GPR158: variants seen among roughly 807,000 people sequenced by gnomAD.
GPR158 encodes the protein G protein-coupled receptor 158.
Under a neutral mutation model 78.2 loss-of-function variants are expected in GPR158, and 30 were observed. The observed-to-expected ratio is 0.38, with a 90% CI of 0.29 to 0.52. GPR158 has a LOEUF of 0.52. GPR158 is among the 20% of genes least tolerant of loss of function. GPR158 has a pLI of 0.83. For synonymous variants in GPR158, 581 were observed against 591.1 expected, an observed-to-expected ratio of 0.98 and a Z score of 0.25; for missense variants, 1,463 against 1,523.5, an observed-to-expected ratio of 0.96 and a Z score of 0.66.
intron 8 of GPR158, among the ~76,000 whole-genome samples, chr10:25,590,529 C>A (rs1289209456): frequency 1.3e-5 from 2 of 152,136 alleles, no homozygotes; most frequent in East Asian, 3.8e-4. Context: ...GCTCAAACAG[C>A]CTTGACATAT....
chr10:25,421,637 C>T (rs1834753245), intron 4 of GPR158, among the ~76,000 whole-genome samples: 1 of 152,040 alleles, frequency 6.6e-6, no homozygotes, highest in Non-Finnish European at 1.5e-5. Context: ...CTAAGGTCTA[C>T]AAAATTAATC....
rs7895849 is a variant in GPR158, at chr10:25,599,310, G to A, written c.*36G>A. On this transcript the variant is annotated 3_prime_UTR_variant, in exon 11 of 11. Coordinates refer to ENST00000376351, the MANE Select transcript of GPR158 (RefSeq NM_020752.3). ...AAGAAGAGGAAAAGGAGGGAACCCC[G>A]GATTGGATATGAGACAGAAGATATA... The A allele has an allele frequency of 4.6e-5, 66 of 1,440,996 alleles. No individual in the cohort carries two copies. In the East Asian group the frequency reaches 7.1e-4, roughly 15 times the overall value. The allele number at this position is 1,440,996 out of a possible 1,614,324, so 89.3% of individuals were successfully genotyped here. A position where few individuals can be genotyped will look rare whatever the true frequency, so the allele number is the denominator to read the frequency against.
At chr10:25,494,478 C>T (rs1330687163) in intron 5 of GPR158, among the ~76,000 whole-genome samples, 1 of 152,078 alleles carries the variant, frequency 6.6e-6, no homozygotes, top group Non-Finnish European at 1.5e-5. Flanking sequence ...TTGTTTGGTA[C>T]TGCTTTTTTC....
chr10:25,432,321 A>T (rs1834922035), intron 4 of GPR158, among the ~76,000 whole-genome samples: 2 of 152,174 alleles, frequency 1.3e-5, no homozygotes, highest in Admixed American at 6.5e-5. Flanking sequence ...AGGTGTTAGG[A>T]ACTACCTACT....
chr10:25,527,056 T>C (rs912950260), intron 5 of GPR158, among the ~76,000 whole-genome samples: 1 of 140,310 alleles, frequency 7.1e-6, no homozygotes, highest in Non-Finnish European at 1.5e-5. Flanking sequence ...GGACATGTTA[T>C]CATGATGATA....
intron 2 of GPR158, among the ~76,000 whole-genome samples, chr10:25,284,512 T>G: frequency 6.6e-6 from 1 of 151,922 alleles, no homozygotes; most frequent in East Asian, 1.9e-4. Flanking sequence ...ATCTATGTTT[T>G]TATGTTTAGG....
intron 4 of GPR158, among the ~76,000 whole-genome samples, chr10:25,463,682 C>G (rs1045217088): frequency 2.6e-5 from 4 of 151,766 alleles, no homozygotes; most frequent in Admixed American, 2.0e-4. Flanking sequence ...TGCTCATTGT[C>G]TCTCTCATCC....
intron 5 of GPR158, among the ~76,000 whole-genome samples, chr10:25,485,735 T>G (rs939255844): frequency 6.6e-6 from 1 of 152,190 alleles, no homozygotes; most frequent in Non-Finnish European, 1.5e-5. Context: ...TGATTAGATA[T>G]GTATAGTCTG....
At chr10:25,192,863 T>G (rs570489893) in intron 1 of GPR158, among the ~76,000 whole-genome samples, 1 of 152,284 alleles carries the variant, frequency 6.6e-6, no homozygotes, top group African/African-American at 2.4e-5. Context: ...GGTACAGCAT[T>G]CAATCAATCA....
At chr10:25,253,180 C>A (rs1037781399) in intron 2 of GPR158, among the ~76,000 whole-genome samples, 3 of 143,404 alleles carry the variant, frequency 2.1e-5, no homozygotes, top group African/African-American at 7.6e-5. Context: ...GCTCGCGCAC[C>A]GTGCGCGCAC....
chr10:25,304,544 T>C (rs1405705691), intron 2 of GPR158, among the ~76,000 whole-genome samples: 2 of 152,084 alleles, frequency 1.3e-5, no homozygotes, highest in Admixed American at 6.6e-5. Flanking sequence ...ACTTACTTCA[T>C]AGAGTTGCTG....
intron 2 of GPR158, among the ~76,000 whole-genome samples, chr10:25,236,959 A>C (rs1853534664): frequency 6.6e-6 from 1 of 152,214 alleles, no homozygotes. Context: ...GACATCCTAG[A>C]AAATATGTAT....
At chr10:25,404,766 C>G (rs2130539861) in intron 3 of GPR158, among the ~76,000 whole-genome samples, 1 of 152,164 alleles carries the variant, frequency 6.6e-6, no homozygotes, top group East Asian at 1.9e-4. Context: ...TTGTGGAACT[C>G]TAGCAGTAAG....
intron 1 of GPR158, among the ~76,000 whole-genome samples, chr10:25,205,858 A>G (rs1853019930): frequency 6.6e-6 from 1 of 151,588 alleles, no homozygotes; most frequent in Non-Finnish European, 1.5e-5. Context: ...CTGATTCTTT[A>G]GATGATTTTA....
At chr10:25,578,172 A>T (rs1406113924) in intron 7 of GPR158, among the ~76,000 whole-genome samples, 2 of 152,236 alleles carry the variant, frequency 1.3e-5, no homozygotes, top group African/African-American at 4.8e-5. Context: ...ACGTTTAAAT[A>T]TATTTTCTGT....
chr10:25,537,199 A>G (rs1276471978), intron 5 of GPR158, among the ~76,000 whole-genome samples: 1 of 152,186 alleles, frequency 6.6e-6, no homozygotes, highest in Non-Finnish European at 1.5e-5. Context: ...TTTCCAACCA[A>G]AACAAAGTAA....
chr10:25,176,064 A>C lies in GPR158; in HGVS notation c.644A>C (p.Asn215Thr). The change falls in exon 1 of 11, where the codon AAC (asparagine) becomes ACC (threonine). Residue 215 changes from asparagine (N) to threonine (T), a missense_variant. Transcript: ENST00000376351. The surrounding 1 kb of genome is among the most constrained non-coding windows in gnomAD (Gnocchi z 6.3). Reference sequence around the variant, plus strand: ...TCCTCCTCCGCACCCCACCTGGCCAACGCCACTCTGGAGACCGAGTGGTTC... The same window carrying C: ...TCCTCCTCCGCACCCCACCTGGCCACCGCCACTCTGGAGACCGAGTGGTTC... The part of the protein sequence containing the change: ...DLSSSAPHLA[N>T]ATLETEWFHG... 1 of 1,605,040 alleles carries C rather than the reference A, an allele frequency of 6.2e-7. No individual in the cohort carries two copies. Among genetic ancestry groups the C allele is most frequent in the Non-Finnish European group, 8.5e-7 (1 of 1,176,370 alleles).
intron 6 of GPR158, among the ~76,000 whole-genome samples, chr10:25,562,693 T>C (rs768996437): frequency 2.6e-5 from 4 of 152,232 alleles, no homozygotes; most frequent in Non-Finnish European, 2.9e-5. Flanking sequence ...TGGTCTAACA[T>C]ATGGTCTGTC....
At chr10:25,200,553 A>T (rs1435645600) in intron 1 of GPR158, among the ~76,000 whole-genome samples, 1 of 151,730 alleles carries the variant, frequency 6.6e-6, no homozygotes, top group Non-Finnish European at 1.5e-5. Flanking sequence ...TGTTGCAATT[A>T]CTCTTGTCTT....
Sources: allele counts gnomAD v4.1 joint callset (sites outside exome capture counted in the v4.1 genomes callset), GRCh38; gene constraint gnomAD v4.1.1; non-coding constraint Gnocchi (gnomAD v3.1); transcripts MANE v1.5; gene names NCBI Gene and HGNC (gene_info 2026-07-23, HGNC 2026-07-21).